The following NEDD4L variants were observed in gnomAD, a reference collection of about 807,000 sequenced individuals.
NEDD4L encodes E3 ubiquitin-protein ligase NEDD4-like.
A neutral mutation model predicts 148.9 loss-of-function variants in NEDD4L; 54 were observed. The observed-to-expected ratio is 0.36, with a 90% CI of 0.29 to 0.45. NEDD4L has a LOEUF of 0.45. Ranked by LOEUF, NEDD4L falls within the 20% of genes least tolerant of loss-of-function variation. The probability of loss-of-function intolerance (pLI) is 1.00; values close to 1 mark genes in which losing one functional copy is unlikely to be tolerated. For synonymous variants in NEDD4L, 433 were observed against 440.7 expected, an observed-to-expected ratio of 0.98 and a Z score of 0.22; for missense variants, 856 against 1,233.8, an observed-to-expected ratio of 0.69 and a Z score of 4.59.
At chr18:58,077,098 G>A (rs887933301) in intron 1 of NEDD4L, among the ~76,000 whole-genome samples, 7 of 142,818 alleles carry the variant, frequency 4.9e-5, no homozygotes, top group Non-Finnish European at 9.1e-5. Context: ...TAATCTGCCC[G>A]CCTCAGCCTC....
intron 1 of NEDD4L, among the ~76,000 whole-genome samples, chr18:58,152,181 G>A (rs937891040): frequency 2.6e-5 from 4 of 152,118 alleles, no homozygotes; most frequent in Admixed American, 2.6e-4. Context: ...CAACCCTGAA[G>A]CACCTCTGTT....
chr18:58,070,299 C>T (rs1182780504), intron 1 of NEDD4L, among the ~76,000 whole-genome samples: 2 of 151,980 alleles, frequency 1.3e-5, no homozygotes, highest in East Asian at 1.9e-4. Flanking sequence ...GGGTCTCTCT[C>T]TGTCACCTAG....
At chr18:58,282,142 G>A (rs4940660) in intron 5 of NEDD4L, among the ~76,000 whole-genome samples, 27,890 of 112,946 alleles carry the variant, frequency 0.25, 3,282 homozygotes, top group East Asian at 0.3. Flanking sequence ...GGTTGGCAAA[G>A]GTCTCTCTGA....
chr18:58,347,218 C>A (rs1441544579), intron 16 of NEDD4L, among the ~76,000 whole-genome samples: 1 of 107,862 alleles, frequency 9.3e-6, no homozygotes, highest in Non-Finnish European at 2.0e-5. Flanking sequence ...CCCCCCGCCC[C>A]CCCCCCCCCT....
chr18:58,078,561 C>T (rs1269027504), intron 1 of NEDD4L, among the ~76,000 whole-genome samples: 1 of 152,170 alleles, frequency 6.6e-6, no homozygotes, highest in African/African-American at 2.4e-5. Context: ...GAAGGTCTCA[C>T]TTGACTCCAC....
chr18:58,369,531 G>C lies in NEDD4L; in HGVS notation c.2186-866G>C, dbSNP rs149791620. On this transcript the variant is annotated intron_variant, in intron 22 of 30. Coordinates refer to ENST00000400345, the MANE Select transcript of NEDD4L (RefSeq NM_001144967.3). ...GCACATCTGTCCGCTGCTCCCCCTG[G>C]TCGGCTTCATGCTTTTACTTCCCCA... is the stretch of plus-strand genomic sequence containing the variant. 2.3e-3 allele frequency among the ~76,000 whole-genome samples: 355 copies of C among 152,022 alleles called. 1 individual carries two copies. In the Middle Eastern group the frequency reaches 0.024, roughly 10 times the overall value.
intron 1 of NEDD4L, among the ~76,000 whole-genome samples, chr18:58,162,538 T>G (rs1481270622): frequency 6.6e-6 from 1 of 151,598 alleles, no homozygotes; most frequent in Non-Finnish European, 1.5e-5. Context: ...GTTGCTTTAT[T>G]TAACTGTCAT....
chr18:58,263,891 A>C (rs1460190027), intron 5 of NEDD4L, among the ~76,000 whole-genome samples: 1 of 152,084 alleles, frequency 6.6e-6, no homozygotes. Flanking sequence ...TACATTGCAG[A>C]ACTAACATGG....
In NEDD4L at chr18:58,214,691, A is replaced by G. The variant is rs1245769974; in HGVS notation, c.123-30736A>G. 2.0e-5 allele frequency among the ~76,000 whole-genome samples: 3 copies of G among 147,624 alleles called. No individual in the cohort carries two copies. In the Admixed American group the frequency reaches 2.1e-4, roughly 10 times the overall value. On this transcript the variant is annotated intron_variant, in intron 2 of 30. Transcript: ENST00000400345. ...AACGGGATCATGCTGGAAATGATAG[A>G]TTGCAACAGAGCTTTGGGGTTTTTT...
chr18:58,191,169 T>TA (rs1173518953), intron 2 of NEDD4L, among the ~76,000 whole-genome samples: 5 of 152,196 alleles, frequency 3.3e-5, no homozygotes, highest in African/African-American at 9.7e-5. Flanking sequence ...AAAAAGAACT[T>TA]ACAACAAACT....
At chr18:58,254,968 G>C (rs758265573) in intron 5 of NEDD4L, among the ~76,000 whole-genome samples, 5 of 152,200 alleles carry the variant, frequency 3.3e-5, no homozygotes, top group Non-Finnish European at 7.3e-5. Context: ...CATCCTGGTA[G>C]TGTAGTGATG....
At chr18:58,047,442 G>C (rs969850131) in intron 1 of NEDD4L, 1 of 984,968 alleles carries the variant, frequency 1.0e-6, no homozygotes, top group African/African-American at 1.7e-5. Flanking sequence ...AGAAAACGGG[G>C]ATGCCAAAGC....
In NEDD4L at chr18:58,084,562, G is replaced by C. The variant is rs572385186; in HGVS notation, c.48+39854G>C. Among the ~76,000 whole-genome samples, 6 of 152,218 alleles carry C rather than the reference G, an allele frequency of 3.9e-5. No homozygotes were observed. The South Asian group carries it at 1.2e-3, about 32-fold the overall frequency. On this transcript the variant is annotated intron_variant, in intron 1 of 30. Coordinates refer to ENST00000400345, the MANE Select transcript of NEDD4L (RefSeq NM_001144967.3). ...CATTTATTTTCTCACAGTTCTGGAG[G>C]CTAGAAGTCCAAAATCAAGATGTCA...
intron 1 of NEDD4L, among the ~76,000 whole-genome samples, chr18:58,083,594 A>G (rs776900178): frequency 6.6e-6 from 1 of 152,146 alleles, no homozygotes; most frequent in African/African-American, 2.4e-5. Context: ...AGGCTGAGGC[A>G]GGAGAATGGC....
intron 1 of NEDD4L, among the ~76,000 whole-genome samples, chr18:58,135,416 C>G (rs907517575): frequency 6.6e-6 from 1 of 152,216 alleles, no homozygotes; most frequent in African/African-American, 2.4e-5. Context: ...GTGCACATCT[C>G]TGAGAGTCCC....
chr18:58,153,211 AC>A (rs1346924249), intron 1 of NEDD4L, among the ~76,000 whole-genome samples: 1 of 128,058 alleles, frequency 7.8e-6, no homozygotes, highest in African/African-American at 3.3e-5. Flanking sequence ...TAAAAAAATG[AC>A]TCTTGGAAAC....
At chr18:58,373,338 A>C (rs2047140025) in intron 24 of NEDD4L, 69 bp downstream of exon 24, 1 of 876,780 alleles carries the variant, frequency 1.1e-6, no homozygotes, top group Non-Finnish European at 1.9e-6. Flanking sequence ...GACGGGCTGT[A>C]ACACAACTTT....
At chr18:58,047,593 C>T (rs2081646810) in intron 1 of NEDD4L, 2 of 769,128 alleles carry the variant, frequency 2.6e-6, no homozygotes, top group Non-Finnish European at 1.6e-6. Context: ...GGAGGTTTCT[C>T]TGGTGAGTTA....
chr18:58,062,806 G>A (rs1315770138), intron 1 of NEDD4L, among the ~76,000 whole-genome samples: 2 of 152,008 alleles, frequency 1.3e-5, no homozygotes, highest in Non-Finnish European at 2.9e-5. Flanking sequence ...GGCTAACACG[G>A]TGAAACCCCG....
Sources: allele counts gnomAD v4.1 joint callset (sites outside exome capture counted in the v4.1 genomes callset), GRCh38; gene constraint gnomAD v4.1.1; transcripts MANE v1.5; gene names NCBI Gene and HGNC (gene_info 2026-07-23, HGNC 2026-07-21).